The following ARHGEF12 variants were observed in gnomAD, a reference collection of about 807,000 sequenced individuals.
ARHGEF12 encodes the protein Rho guanine nucleotide exchange factor 12, also known as KMT2A/ARHGEF12 fusion protein.
Under a neutral mutation model 211.2 loss-of-function variants are expected in ARHGEF12, and 66 were observed. The ratio of observed to expected loss-of-function variants is 0.31; its 90% CI spans 0.26 to 0.38. The LOEUF (loss-of-function observed/expected upper bound fraction) is 0.38. Ranked by LOEUF, ARHGEF12 falls within the 10% of genes least tolerant of loss-of-function variation. ARHGEF12 has a pLI of 1.00. For missense variants in ARHGEF12, 1,429 were observed against 1,869.5 expected (o/e 0.76, Z 4.34); for synonymous variants, 592 against 638.4 (o/e 0.93, Z 1.09).
At chr11:120,410,443 T>A (rs919148364) in intron 4 of ARHGEF12, 6 of 152,092 alleles carry the variant, frequency 3.9e-5, no homozygotes, top group African/African-American at 7.2e-5. Flanking sequence ...GGAAATCAGG[T>A]CATCTTTAAT....
chr11:120,352,271 T>C (rs571124404), intron 1 of ARHGEF12, among the ~76,000 whole-genome samples: 3 of 152,312 alleles, frequency 2.0e-5, no homozygotes, highest in East Asian at 1.9e-4. Context: ...TCTGTAAACA[T>C]TGAACTTTTT....
Position 120,486,407 on chromosome 11 carries a change from A to G in ARHGEF12, c.*1330A>G. 4.3e-6 allele frequency: 1 copy of G among 232,464 alleles called. No individual in the cohort carries two copies. Among genetic ancestry groups the G allele is most frequent in the Non-Finnish European group, 8.5e-6 (1 of 117,394 alleles). 14.4% of individuals were successfully genotyped at this position (232,464 alleles called of 1,614,324 possible). On this transcript the variant is annotated 3_prime_UTR_variant, in exon 41 of 41. Transcript: ENST00000397843. ...CCCTAAAAATTGCAGACCAGCACATACACTGGACACTGCAGGCAAGGTGTT... is the reference window on the plus strand; with the variant it reads ...CCCTAAAAATTGCAGACCAGCACATGCACTGGACACTGCAGGCAAGGTGTT...
At position 120,428,212 on chromosome 11, in the gene ARHGEF12, A is replaced by C; in HGVS notation, c.550A>C (p.Asn184His). 1 of 1,610,676 alleles carries C rather than the reference A, an allele frequency of 6.2e-7. No individual in the cohort carries two copies. Among genetic ancestry groups the C allele is most frequent in the Non-Finnish European group, 8.5e-7 (1 of 1,178,594 alleles). Residue 184 changes from asparagine to histidine, a missense_variant, in exon 8 of 41, where the codon AAT becomes CAT. By Grantham distance (68) the Asn-to-His change is moderately conservative. Around this residue, in one of 7 missense-constraint regions of ARHGEF12, gnomAD observed 254 missense variants for 286.4 expected, o/e 0.89. Transcript: ENST00000397843. ...TCCTCATTCACCTGGAGCATCTGGGAATATGGAGAGAATCACTAGTCCTGT... is the reference window on the plus strand; with the variant it reads ...TCCTCATTCACCTGGAGCATCTGGGCATATGGAGAGAATCACTAGTCCTGT... ...TSPHSPGASG[N>H]MERITSPVLM...
intron 1 of ARHGEF12, among the ~76,000 whole-genome samples, chr11:120,394,116 A>G (rs1944300152): frequency 6.6e-6 from 1 of 152,164 alleles, no homozygotes; most frequent in Non-Finnish European, 1.5e-5. Context: ...GAAAATGAAA[A>G]CACAACATAT....
At chr11:120,358,868 G>T (rs952162956) in intron 1 of ARHGEF12, among the ~76,000 whole-genome samples, 22 of 152,206 alleles carry the variant, frequency 1.4e-4, no homozygotes, top group Admixed American at 1.1e-3. Flanking sequence ...TCATGAGGTT[G>T]CAGTCCAGGT....
At chr11:120,387,837 T>A (rs900782152) in intron 1 of ARHGEF12, among the ~76,000 whole-genome samples, 3 of 152,192 alleles carry the variant, frequency 2.0e-5, no homozygotes, top group Non-Finnish European at 2.9e-5. Flanking sequence ...ATTGAGTCTT[T>A]TGCTTAAAAG....
chr11:120,453,012 C>CAAAAAAAAA (rs1187491086), intron 22 of ARHGEF12, among the ~76,000 whole-genome samples: 1 of 104,998 alleles, frequency 9.5e-6, no homozygotes, highest in Non-Finnish European at 2.2e-5. Context: ...AAAACAAAAA[C>CAAAAAAAAA]AAAAACAAAA....
At chr11:120,433,262 T>C (rs961037185) in intron 11 of ARHGEF12, among the ~76,000 whole-genome samples, 1 of 152,140 alleles carries the variant, frequency 6.6e-6, no homozygotes, top group African/African-American at 2.4e-5. Flanking sequence ...GGTTTGAAAA[T>C]GCGTAACATT....
At position 120,473,121 on chromosome 11, in the gene ARHGEF12, G is replaced by A; in HGVS notation, c.3027G>A (p.Glu1009=). ...LKLSEYPNVE[E]LRNLDLTKRK... is the part of the protein sequence containing the mutation. ...TGTCAGAGTACCCAAATGTTGAAGAGCTCAGGGTGAGAGATGGTCTAATCA... is the reference window on the plus strand; with the variant it reads ...TGTCAGAGTACCCAAATGTTGAAGAACTCAGGGTGAGAGATGGTCTAATCA... Residue 1009 remains glutamate (E), a synonymous_variant, in exon 31 of 41, where the codon GAG becomes GAA. Coordinates refer to ENST00000397843, the MANE Select transcript of ARHGEF12 (RefSeq NM_015313.3). 1 of 1,612,980 alleles carries A rather than the reference G, an allele frequency of 6.2e-7. No individual in the cohort carries two copies. The highest frequency in any genetic ancestry group is 8.5e-7 in the Non-Finnish European group (1 of 1,179,432).
At chr11:120,406,337 T>G (rs898836603) in intron 2 of ARHGEF12, among the ~76,000 whole-genome samples, 196 bp downstream of exon 2, 3 of 152,122 alleles carry the variant, frequency 2.0e-5, no homozygotes, top group Non-Finnish European at 4.4e-5. Context: ...TGATAATACT[T>G]CTAATATAAG....
intron 15 of ARHGEF12, 67 bp downstream of exon 15, chr11:120,442,269 A>G (rs1341313080): frequency 2.2e-5 from 26 of 1,190,904 alleles, no homozygotes; most frequent in East Asian, 1.6e-4. Context: ...CCTGCTTCCT[A>G]TCTTCCCTCC....
intron 26 of ARHGEF12, among the ~76,000 whole-genome samples, chr11:120,459,659 T>C (rs1946466172): frequency 6.6e-6 from 1 of 152,140 alleles, no homozygotes; most frequent in Non-Finnish European, 1.5e-5. Flanking sequence ...AAATGTGTTT[T>C]GTAAATAGTA....
rs200891401 is a variant in ARHGEF12 at position 120,428,030 on chromosome 11, T to TTTCCC, written c.407-26_407-22dup. The TTTCCC allele has an allele frequency of 1.0e-3, 1,481 of 1,487,090 alleles. 15 individuals carry two copies. The Admixed American group carries it at 0.02, about 21-fold the overall frequency. 92.1% of individuals were successfully genotyped at this position (1,487,090 alleles called of 1,614,324 possible). On this transcript the variant is annotated intron_variant, in intron 7 of 40. Coordinates refer to ENST00000397843, the MANE Select transcript of ARHGEF12 (RefSeq NM_015313.3). The stretch of plus-strand genomic sequence containing the variant: ...ATAAAAAGTTTCTTGACAATGTTAT[T>TTTCCC]TTCCCTTCCCTTCCCTTTTTCCGTC...
In ARHGEF12 at chr11:120,481,252, A is replaced by C. The variant is rs1287627199; in HGVS notation, c.4238-8A>C. On this transcript the variant is annotated splice_polypyrimidine_tract_variant and splice_region_variant and intron_variant, in intron 38 of 40. Coordinates refer to ENST00000397843, the MANE Select transcript of ARHGEF12 (RefSeq NM_015313.3). Reference sequence around the variant, plus strand: ...GGTCTTATCAAACTATTCTGTCTCTATCCATAGGAAACTATTTGATCCTTG... The same window carrying C: ...GGTCTTATCAAACTATTCTGTCTCTCTCCATAGGAAACTATTTGATCCTTG... 6.2e-7 allele frequency: 1 copy of C among 1,612,694 alleles called. No individual in the cohort carries two copies.
intron 3 of ARHGEF12, 83 bp from the exon 4 acceptor site, chr11:120,409,311 A>G (rs992044093): frequency 8.0e-6 from 11 of 1,380,432 alleles, no homozygotes; most frequent in Non-Finnish European, 1.0e-5. Flanking sequence ...ATCATGATTC[A>G]TTCTTTTTTC....
At chr11:120,465,195 A>G (rs753963376) in intron 27 of ARHGEF12, 42 bp from the exon 28 acceptor site, 7 of 1,611,298 alleles carry the variant, frequency 4.3e-6, no homozygotes, top group Non-Finnish European at 5.9e-6. Context: ...GTATAAGCTC[A>G]GTTTCCCATT....
chr11:120,408,756 C>T (rs1377448781), intron 3 of ARHGEF12: 2 of 151,736 alleles, frequency 1.3e-5, no homozygotes, highest in African/African-American at 4.8e-5. Flanking sequence ...ATCTAGGAAG[C>T]ACATAGATAA....
chr11:120,483,902 C>A (rs1331749742), intron 39 of ARHGEF12, among the ~76,000 whole-genome samples: 4 of 152,222 alleles, frequency 2.6e-5, no homozygotes, highest in African/African-American at 7.2e-5. Context: ...GCGTGAGCCA[C>A]CGCGCCCAGT....
In ARHGEF12 at chr11:120,468,595, C is replaced by A. The variant is rs571234243; in HGVS notation, c.2855-693C>A. The stretch of plus-strand genomic sequence containing the variant: ...TCCCGAGTAGCTGGGATTACAGGCG[C>A]ACGCCACCACACCTGGCTAATTTTT... On this transcript the variant is annotated intron_variant, in intron 29 of 40. Coordinates refer to ENST00000397843, the MANE Select transcript of ARHGEF12 (RefSeq NM_015313.3). Among the ~76,000 whole-genome samples the A allele has an allele frequency of 7.9e-5, 12 of 152,284 alleles. No homozygotes were observed. The South Asian group carries it at 1.2e-3, about 16-fold the overall frequency.
Sources: allele counts gnomAD v4.1 joint callset (sites outside exome capture counted in the v4.1 genomes callset), GRCh38; gene constraint gnomAD v4.1.1; regional missense constraint gnomAD v4.1.1; transcripts MANE v1.5; gene names NCBI Gene and HGNC (gene_info 2026-07-23, HGNC 2026-07-21).